Variants in DYM observed in about 807,000 individuals in gnomAD.
DYM encodes the protein dyggve-Melchior-Clausen syndrome protein.
DYM carries 78 observed loss-of-function variants against 93.1 expected under a neutral mutation model. The ratio of observed to expected loss-of-function variants is 0.84; its 90% CI spans 0.70 to 1.01. The LOEUF (loss-of-function observed/expected upper bound fraction) is 1.01. Among genes scored for constraint, DYM ranks in the 50% least tolerant of loss-of-function variants. The pLI is 0.00. For missense variants in DYM, 789 were observed against 845.0 expected (o/e 0.93, Z 0.82); for synonymous variants, 321 against 319.7 (o/e 1.00, Z -0.04).
At chr18:49,305,043 T>G (rs2061191734) in intron 8 of DYM, among the ~76,000 whole-genome samples, 1 of 152,206 alleles carries the variant, frequency 6.6e-6, no homozygotes, top group African/African-American at 2.4e-5. Context: ...CCTCTAGTCC[T>G]GACTCAAATA....
intron 1 of DYM, among the ~76,000 whole-genome samples, chr18:49,452,745 G>A (rs182954632): frequency 4.1e-5 from 4 of 96,562 alleles, no homozygotes; most frequent in East Asian, 6.0e-4. Flanking sequence ...GAGTGCAGGC[G>A]CACAGCGCGG....
At chr18:49,375,057 T>C (rs1027733022) in intron 5 of DYM, among the ~76,000 whole-genome samples, 20 of 151,900 alleles carry the variant, frequency 1.3e-4, no homozygotes, top group Admixed American at 4.6e-4. Flanking sequence ...AAGAAAGGAA[T>C]GGCTGATCTA....
intron 15 of DYM, among the ~76,000 whole-genome samples, chr18:49,127,940 G>T (rs903096391): frequency 1.3e-5 from 2 of 152,182 alleles, no homozygotes; most frequent in African/African-American, 4.8e-5. Context: ...TCTCATGCGG[G>T]GATGTAAAAC....
At chr18:49,051,763 G>A (rs780788094) in intron 17 of DYM, among the ~76,000 whole-genome samples, 6 of 152,184 alleles carry the variant, frequency 3.9e-5, no homozygotes, top group African/African-American at 9.7e-5. Context: ...GGTTCCAGGC[G>A]CTGCCCCCGT....
chr18:49,258,262 C>T (rs143427041), intron 12 of DYM, 118 bp downstream of exon 12: 28 of 724,752 alleles, frequency 3.9e-5, no homozygotes, highest in East Asian at 5.4e-5. Context: ...ATACAGTGAC[C>T]GGTATTTTCT....
At chr18:49,191,940 C>T (rs140598061) in intron 14 of DYM, among the ~76,000 whole-genome samples, 1 of 151,836 alleles carries the variant, frequency 6.6e-6, no homozygotes, top group African/African-American at 2.4e-5. Context: ...ACAAGTCATT[C>T]ATTCACTCAT....
At chr18:49,258,302 A>G in intron 12 of DYM, 78 bp downstream of exon 12, 1 of 1,011,734 alleles carries the variant, frequency 9.9e-7, no homozygotes. Flanking sequence ...TTAGCATCCT[A>G]AAAATTGGGA....
rs1037291648 is a variant in DYM, at chr18:49,452,683, C to A, written c.-54+7715G>T. Among the ~76,000 whole-genome samples, 10 of 137,688 alleles carry A rather than the reference C, an allele frequency of 7.3e-5. 3 individuals carry two copies. The highest frequency in any genetic ancestry group is 2.8e-4 in the African/African-American group (10 of 35,608). The allele number at this position is 137,688 out of a possible 152,430, so 90.3% of individuals were successfully genotyped here. A position where few individuals can be genotyped will look rare whatever the true frequency, so the allele number is the denominator to read the frequency against. ...GCGTGGCCTGAGCCTCCCTGACGAGCGCCGCTCCCTGCTCCCCAGCGCCTG... is the reference window on the plus strand; with the variant it reads ...GCGTGGCCTGAGCCTCCCTGACGAGAGCCGCTCCCTGCTCCCCAGCGCCTG... On this transcript the variant is annotated intron_variant, in intron 1 of 17. Coordinates refer to ENST00000675505, the MANE Select transcript of DYM (RefSeq NM_001353214.3).
chr18:49,342,330 A>T (rs1048258692), intron 6 of DYM, among the ~76,000 whole-genome samples: 3 of 152,162 alleles, frequency 2.0e-5, no homozygotes, highest in African/African-American at 7.2e-5. Flanking sequence ...ATGTGATTAG[A>T]CTGGGCCCGA....
intron 9 of DYM, among the ~76,000 whole-genome samples, chr18:49,285,192 G>T (rs2095092877): frequency 6.6e-6 from 1 of 152,188 alleles, no homozygotes; most frequent in African/African-American, 2.4e-5. Flanking sequence ...CAGGTATTTT[G>T]TTAGAGCAGC....
At position 49,104,430 on chromosome 18, in the gene DYM, C is replaced by T. The variant is rs556864171; in HGVS notation, c.1912-6915G>A. 5.4e-4 allele frequency among the ~76,000 whole-genome samples: 82 copies of T among 152,234 alleles called. 2 individuals carry two copies. Among genetic ancestry groups the T allele is most frequent in the Non-Finnish European group, 1.0e-3 (70 of 68,028 alleles). ...TCCTTCCCCTGCCTGATTGCCCTGG[C>T]CTGAACTTCCAATACTATGTTGAAT... On this transcript the variant is annotated intron_variant, in intron 16 of 17. Coordinates refer to ENST00000675505, the MANE Select transcript of DYM (RefSeq NM_001353214.3).
At chr18:49,103,078 T>C (rs994119875) in intron 16 of DYM, among the ~76,000 whole-genome samples, 4 of 152,212 alleles carry the variant, frequency 2.6e-5, no homozygotes, top group African/African-American at 9.6e-5. Flanking sequence ...CCAGCACCTG[T>C]TGTTTCCTGA....
chr18:49,257,080 A>G lies in DYM; in HGVS notation c.1390T>C (p.Leu464=). 6.2e-7 allele frequency: 1 copy of G among 1,613,956 alleles called. No individual in the cohort carries two copies. Among genetic ancestry groups the G allele is most frequent in the Non-Finnish European group, 8.5e-7 (1 of 1,179,854 alleles). The change falls in exon 13 of 18, where the codon TTG becomes CTG. Residue 464 remains leucine, a synonymous_variant. Coordinates refer to ENST00000675505, the MANE Select transcript of DYM (RefSeq NM_001353214.3). ...GCCGACATATTTGCTAAAGCTGCCA[A>G]ACAATTTGTGTGAAGGTACTTGTCC... ...TRDKYLHTNC[L]AALANMSAQF...
At chr18:49,323,108 C>T (rs572084796) in intron 8 of DYM, among the ~76,000 whole-genome samples, 2 of 152,282 alleles carry the variant, frequency 1.3e-5, no homozygotes, top group South Asian at 4.1e-4. Flanking sequence ...AAGAGAATAA[C>T]GTGTTTCAAT....
chr18:49,056,289 A>G (rs541271770), intron 17 of DYM, among the ~76,000 whole-genome samples: 23 of 152,352 alleles, frequency 1.5e-4, no homozygotes, highest in African/African-American at 5.1e-4. Flanking sequence ...CTGTCAGAGT[A>G]GAAAAGAAAG....
intron 8 of DYM, among the ~76,000 whole-genome samples, chr18:49,303,196 T>C (rs2061053608): frequency 6.6e-6 from 1 of 152,250 alleles, no homozygotes; most frequent in South Asian, 2.1e-4. Flanking sequence ...CTGCATTTCC[T>C]GATTTCTCCT....
At chr18:49,214,121 G>T (rs1394441211) in intron 13 of DYM, among the ~76,000 whole-genome samples, 2 of 152,176 alleles carry the variant, frequency 1.3e-5, no homozygotes, top group Non-Finnish European at 2.9e-5. Flanking sequence ...GGTACAAAAA[G>T]ATACATGGAT....
In DYM at chr18:49,232,811, G is replaced by A. The variant is rs181402341; in HGVS notation, c.1461-23096C>T. 6.2e-3 allele frequency among the ~76,000 whole-genome samples: 935 copies of A among 151,516 alleles called. 5 individuals carry two copies. The highest frequency in any genetic ancestry group is 0.01 in the Non-Finnish European group (700 of 67,860). On this transcript the variant is annotated intron_variant, in intron 13 of 17. Transcript: ENST00000675505. ...TTTAGTAGAGACCGGGTTTCACCAC[G>A]TTGGCTAGGTTGGTCTTGAACTCCT...
intron 17 of DYM, among the ~76,000 whole-genome samples, chr18:49,057,298 A>C (rs2075583941): frequency 6.6e-6 from 1 of 152,230 alleles, no homozygotes; most frequent in South Asian, 2.1e-4. Flanking sequence ...CCAATCAGAC[A>C]AAGAGACCGC....
Sources: allele counts gnomAD v4.1 joint callset (sites outside exome capture counted in the v4.1 genomes callset), GRCh38; gene constraint gnomAD v4.1.1; transcripts MANE v1.5; gene names NCBI Gene and HGNC (gene_info 2026-07-23, HGNC 2026-07-21).